LIG3: variants seen among roughly 807,000 people sequenced by gnomAD.
The protein encoded by LIG3 is DNA ligase 3.
In LIG3, 58 loss-of-function variants were observed where a neutral mutation model predicts 110.9. The ratio of observed to expected loss-of-function variants is 0.52; its 90% confidence interval spans 0.42 to 0.65. LIG3 has a LOEUF of 0.65. Among genes scored for constraint, LIG3 ranks in the 30% least tolerant of loss-of-function variants. The pLI is 0.00. For synonymous variants in LIG3, 422 were observed against 472.8 expected (o/e 0.89, Z 1.39); for missense variants, 1,094 against 1,273.8 (o/e 0.86, Z 2.15).
intron 14 of LIG3, 130 bp downstream of exon 14, chr17:34,998,857 G>T: frequency 1.7e-6 from 2 of 1,192,178 alleles, no homozygotes; most frequent in Non-Finnish European, 2.3e-6. Flanking sequence ...AGGATCTAGG[G>T]CCCCAAGCTG....
chr17:35,007,166 GC>G lies in LIG3; in HGVS notation c.*2664del, dbSNP rs2090901334. 1 of 152,206 alleles carries G rather than the reference GC, an allele frequency of 6.6e-6. No individual in the cohort carries two copies. Among genetic ancestry groups the G allele is most frequent in the Non-Finnish European group, 1.5e-5 (1 of 68,076 alleles). 9.4% of individuals were successfully genotyped at this position (152,206 alleles called of 1,614,324 possible). A position where few individuals can be genotyped will look rare whatever the true frequency, so the allele number is the denominator to read the frequency against. On this transcript the variant is annotated 3_prime_UTR_variant, in exon 20 of 20. Transcript: ENST00000378526. The stretch of plus-strand genomic sequence containing the variant: ...CACTGTCCTCTCCAACCTGGACCCA[GC>G]CCCACTTGCCCTTATTGGTTGCTTA...
In LIG3 at chr17:35,001,252, G is replaced by A. The variant is rs1408978228; in HGVS notation, c.2332-5G>A. ...AGTGATGACCTGCTGGCTTACTCCT[G>A]ACAGAAAGCTGCCGTGTGGGAGATC... On this transcript the variant is annotated splice_region_variant and splice_polypyrimidine_tract_variant and intron_variant, in intron 16 of 19. Coordinates refer to ENST00000378526, the MANE Select transcript of LIG3 (RefSeq NM_013975.4). 6.2e-7 allele frequency: 1 copy of A among 1,613,088 alleles called. No individual in the cohort carries two copies. Among genetic ancestry groups the A allele is most frequent in the Non-Finnish European group, 8.5e-7 (1 of 1,179,280 alleles).
In LIG3 at chr17:34,982,608, A is replaced by G. The variant is rs536480227; in HGVS notation, c.-4-394A>G. On this transcript the variant is annotated intron_variant, in intron 1 of 19. Coordinates refer to ENST00000378526, the MANE Select transcript of LIG3 (RefSeq NM_013975.4). ...GTTGCGGTGAGCCAAGATCGCGCCA[A>G]TGTACTCCAGCCTGGGCAATTAAAG... Among the ~76,000 whole-genome samples, 505 of 151,796 alleles carry G rather than the reference A, an allele frequency of 3.3e-3. 5 individuals are homozygous for G. Among genetic ancestry groups the G allele is most frequent in the African/African-American group, 0.011 (444 of 41,400 alleles).
At position 34,983,132 on chromosome 17, in the gene LIG3, C is replaced by A; in HGVS notation, c.127C>A (p.Leu43Met). ...RQFSQWSETD[L>M]LHGHPLFLRR... The stretch of plus-strand genomic sequence containing the variant: ...ATTCAGCCAGTGGTCAGAAACAGAT[C>A]TGCTTCATGGACATCCCCTCTTCCT... Residue 43 changes from leucine to methionine, a missense_variant, in exon 2 of 20, where the codon CTG becomes ATG. Physicochemically the swap from Leu to Met is conservative, Grantham distance 15. Transcript: ENST00000378526. The A allele has an allele frequency of 6.2e-7, 1 of 1,614,158 alleles. No homozygotes were observed. The highest frequency in any genetic ancestry group is 8.5e-7 in the Non-Finnish European group (1 of 1,180,012).
At chr17:34,992,120 G>C in intron 7 of LIG3, 85 bp downstream of exon 7, 1 of 1,193,902 alleles carries the variant, frequency 8.4e-7, no homozygotes. Context: ...TTGAGTCCCA[G>C]TCAGGATTTG....
chr17:34,999,245 G>C (rs1041771505), intron 14 of LIG3, 62 bp from the exon 15 acceptor site: 1 of 1,556,636 alleles, frequency 6.4e-7, no homozygotes, highest in South Asian at 1.2e-5. Flanking sequence ...CCTGGCCCTG[G>C]GCTCTTGGGA....
chr17:35,003,345 C>A (rs1044008790), intron 19 of LIG3: 19 of 407,376 alleles, frequency 4.7e-5, no homozygotes, highest in Non-Finnish European at 6.9e-5. Flanking sequence ...GTTGCCTAGG[C>A]TGGAGTGAAG....
chr17:34,980,883 C>G (rs918681223), intron 1 of LIG3: 2 of 152,880 alleles, frequency 1.3e-5, no homozygotes, highest in Admixed American at 6.5e-5. Flanking sequence ...GTGGAACCCA[C>G]GGGGCCTTCT....
intron 3 of LIG3, among the ~76,000 whole-genome samples, chr17:34,987,041 CTAT>C (rs1031865658): frequency 6.6e-6 from 1 of 152,180 alleles, no homozygotes; most frequent in African/African-American, 2.4e-5. Context: ...AGGACTGTGG[CTAT>C]TATTTGTAGG....
At chr17:34,983,912 C>G (rs944152046) in intron 2 of LIG3, among the ~76,000 whole-genome samples, 4 of 152,236 alleles carry the variant, frequency 2.6e-5, no homozygotes, top group African/African-American at 9.7e-5. Context: ...ACATTTTACT[C>G]TATTTGCTTT....
chr17:34,996,293 T>C, intron 10 of LIG3, 98 bp downstream of exon 10: 1 of 1,366,888 alleles, frequency 7.3e-7, no homozygotes, highest in Non-Finnish European at 1.0e-6. Context: ...AAATATCCCT[T>C]AGTGTGGCCC....
At chr17:35,002,640 C>T (rs1305856235) in intron 18 of LIG3, 28 bp from the exon 19 acceptor site, 2 of 1,605,806 alleles carry the variant, frequency 1.2e-6, no homozygotes. Flanking sequence ...TGTGCACCAC[C>T]ACACCCAGCT....
At chr17:34,984,194 A>G (rs3135963) in intron 2 of LIG3, among the ~76,000 whole-genome samples, 1,629 of 152,338 alleles carry the variant, frequency 0.011, 16 homozygotes, top group Non-Finnish European at 0.018. Flanking sequence ...TTCCTGCAGT[A>G]TAGGATCCCA....
Position 34,992,585 on chromosome 17 carries a change from G to C in LIG3, c.1348G>C (p.Val450Leu). 1.9e-6 allele frequency: 3 copies of C among 1,613,840 alleles called. No individual in the cohort carries two copies. The highest frequency in any genetic ancestry group is 2.5e-6 in the Non-Finnish European group (3 of 1,179,904). Reference protein sequence around the residue: ...AFKASRNLQDVVERVLHNAQE... With the variant: ...AFKASRNLQDLVERVLHNAQE... ...CAAAGCCTCGCGCAACCTGCAGGATGTGGTGGAGCGGGTCCTTCACAACGC... is the reference window on the plus strand; with the variant it reads ...CAAAGCCTCGCGCAACCTGCAGGATCTGGTGGAGCGGGTCCTTCACAACGC... The change falls in exon 8 of 20, where the codon GTG becomes CTG. Residue 450 changes from valine to leucine, a missense_variant. Transcript: ENST00000378526.
chr17:34,987,880 G>A (rs2090673790), intron 3 of LIG3, among the ~76,000 whole-genome samples: 1 of 152,082 alleles, frequency 6.6e-6, no homozygotes, highest in South Asian at 2.1e-4. Context: ...ACGGTGCCTG[G>A]CTCTATAGGA....
rs544134547 is a variant in LIG3, at chr17:35,002,976, T to C, written c.2796+187T>C. 910 of 1,614,076 alleles carry C rather than the reference T, an allele frequency of 5.6e-4. 8 individuals carry two copies. In the South Asian group the frequency reaches 9.1e-3, roughly 16 times the overall value. ...CAGCAATGCTGCTGCTCACCCTATG[T>C]CCTCTTGTTGCCTTGCAGAGGCGGC... On this transcript the variant is annotated intron_variant, in intron 19 of 19. Coordinates refer to ENST00000378526, the MANE Select transcript of LIG3 (RefSeq NM_013975.4).
rs1306964893 is a variant in LIG3, at chr17:35,009,287, C to T, written c.*4781C>T. On this transcript the variant is annotated 3_prime_UTR_variant, in exon 20 of 20. Coordinates refer to ENST00000378526, the MANE Select transcript of LIG3 (RefSeq NM_013975.4). ...ACAAATTTATACAATGTATATTGAG[C>T]ACTAGTTCCTGTACAGCTTATTCTT... The T allele has an allele frequency of 6.6e-6, 1 of 152,434 alleles. No individual in the cohort carries two copies. The highest frequency in any genetic ancestry group is 1.5e-5 in the Non-Finnish European group (1 of 68,036). 9.4% of individuals were successfully genotyped at this position (152,434 alleles called of 1,614,324 possible).
intron 4 of LIG3, 41 bp downstream of exon 4, chr17:34,989,704 G>A: frequency 6.3e-7 from 1 of 1,594,814 alleles, no homozygotes; most frequent in Non-Finnish European, 8.6e-7. Context: ...CCTCCGGAGA[G>A]CTCAAGGCCA....
rs1451777937 is a variant in LIG3 at position 35,006,460 on chromosome 17, T to C, written c.*1954T>C. 1 of 152,262 alleles carries C rather than the reference T, an allele frequency of 6.6e-6. No individual in the cohort carries two copies. The highest frequency in any genetic ancestry group is 1.5e-5 in the Non-Finnish European group (1 of 68,090). The allele number at this position is 152,262 out of a possible 1,614,324, so 9.4% of individuals were successfully genotyped here. On this transcript the variant is annotated 3_prime_UTR_variant, in exon 20 of 20. Transcript: ENST00000378526. Reference sequence around the variant, plus strand: ...CCTCAATCCCTCCAAGTAGAATGGGTGCACCTAAATCATAGGGTTGTCCTG... The same window carrying C: ...CCTCAATCCCTCCAAGTAGAATGGGCGCACCTAAATCATAGGGTTGTCCTG...
Sources: gnomAD v4.1 joint callset for allele counts (sites outside exome capture counted in the v4.1 genomes callset) on GRCh38, gnomAD v4.1.1 for gene constraint, MANE v1.5 for transcripts, NCBI Gene and HGNC (gene_info 2026-07-23, HGNC 2026-07-21) for gene names.